The following CACNA1I variants were observed in gnomAD, a reference collection of about 807,000 sequenced individuals.
CACNA1I encodes the protein calcium voltage-gated channel subunit alpha1 I, also known as voltage-dependent T-type calcium channel subunit alpha-1I.
In CACNA1I, 74 loss-of-function variants were observed where a neutral mutation model predicts 201.6. The observed-to-expected ratio is 0.37, with a 90% confidence interval of 0.30 to 0.45. The LOEUF (loss-of-function observed/expected upper bound fraction) is 0.45. Ranked by LOEUF, CACNA1I falls within the 20% of genes least tolerant of loss-of-function variation. The probability of loss-of-function intolerance (pLI) is 1.00; values close to 1 mark genes in which losing one functional copy is unlikely to be tolerated. For missense variants in CACNA1I, 2,346 were observed against 3,138.1 expected (o/e 0.75, Z 6.03); for synonymous variants, 1,431 against 1,345.2 (o/e 1.06, Z -1.40).
At chr22:39,615,860 T>C (rs1933518567) in intron 3 of CACNA1I, among the ~76,000 whole-genome samples, 1 of 152,204 alleles carries the variant, frequency 6.6e-6, no homozygotes, top group Non-Finnish European at 1.5e-5. Context: ...ATGGATTCCC[T>C]GGAAGGATCT....
chr22:39,657,881 G>T (rs1209625112), intron 10 of CACNA1I, among the ~76,000 whole-genome samples: 1 of 152,220 alleles, frequency 6.6e-6, no homozygotes, highest in African/African-American at 2.4e-5. Flanking sequence ...CACTTCCCTG[G>T]TAGTGTGCTA....
intron 3 of CACNA1I, among the ~76,000 whole-genome samples, chr22:39,618,211 G>C (rs1933605825): frequency 6.7e-6 from 1 of 150,360 alleles, no homozygotes; most frequent in African/African-American, 2.5e-5. Flanking sequence ...GTGTGTGACT[G>C]TGATGGTGTG....
intron 4 of CACNA1I, among the ~76,000 whole-genome samples, chr22:39,632,873 G>A (rs901238837): frequency 6.6e-6 from 1 of 150,664 alleles, no homozygotes; most frequent in Admixed American, 6.6e-5. Context: ...GGGTGGTGGG[G>A]AGCTGAGCCT....
At chr22:39,667,104 C>T (rs1935222956) in intron 23 of CACNA1I, among the ~76,000 whole-genome samples, 1 of 152,230 alleles carries the variant, frequency 6.6e-6, no homozygotes, top group Non-Finnish European at 1.5e-5. Flanking sequence ...CTCAGTGGCC[C>T]TTACCAGCCG....
At position 39,659,999 on chromosome 22, in the gene CACNA1I, GAGCTCT is replaced by G; in HGVS notation, c.2604+148_2604+153del. The G allele has an allele frequency of 1.2e-6, 1 of 852,074 alleles. No individual in the cohort carries two copies. The highest frequency in any genetic ancestry group is 1.8e-6 in the Non-Finnish European group (1 of 543,666). 52.8% of individuals were successfully genotyped at this position (852,074 alleles called of 1,614,324 possible). Reference sequence around the variant, plus strand: ...AGGAGGGGGTTGCTGATGAGGTGGTGAGCTCTTCATCATAGGAAGCATGCAAATGGA... The same window carrying G: ...AGGAGGGGGTTGCTGATGAGGTGGTGTCATCATAGGAAGCATGCAAATGGA... On this transcript the variant is annotated intron_variant, in intron 14 of 36. Coordinates refer to ENST00000402142, the MANE Select transcript of CACNA1I (RefSeq NM_021096.4). This position sits in a 1 kb window ranked among gnomAD's most constrained non-coding sequence, Gnocchi z 4.3.
intron 1 of CACNA1I, among the ~76,000 whole-genome samples, chr22:39,582,877 C>T (rs1279485072): frequency 1.3e-5 from 2 of 150,980 alleles, no homozygotes; most frequent in South Asian, 2.1e-4. Flanking sequence ...TCCATCTATC[C>T]ATCCATCCAT....
At chr22:39,614,070 A>T (rs1056884562) in intron 3 of CACNA1I, among the ~76,000 whole-genome samples, 1 of 151,300 alleles carries the variant, frequency 6.6e-6, no homozygotes, top group African/African-American at 2.4e-5. Flanking sequence ...CTGGTCTTGA[A>T]CTCGTGACTT....
Position 39,629,139 on chromosome 22 carries a change from G to A in CACNA1I, c.581-5426G>A, listed in dbSNP as rs978300165. ...GGTGAGCAGCTCCATCCACTTGCCC[G>A]CTGCCATCTGCCACCACCAAGCCCC... is the stretch of plus-strand genomic sequence containing the variant. On this transcript the variant is annotated intron_variant, in intron 4 of 36. Coordinates refer to ENST00000402142, the MANE Select transcript of CACNA1I (RefSeq NM_021096.4). This position sits in a 1 kb window ranked among gnomAD's most constrained non-coding sequence, Gnocchi z 4.8. Among the ~76,000 whole-genome samples, 150 of 152,204 alleles carry A rather than the reference G, an allele frequency of 9.9e-4. No individual in the cohort carries two copies. Among genetic ancestry groups the A allele is most frequent in the African/African-American group, 3.3e-3 (137 of 41,520 alleles).
intron 4 of CACNA1I, among the ~76,000 whole-genome samples, chr22:39,620,225 ACCCATCCACCTG>A (rs1933700796): frequency 6.7e-6 from 1 of 149,540 alleles, no homozygotes; most frequent in Non-Finnish European, 1.5e-5. Flanking sequence ...CTACCTGTCC[ACCCATCCACCTG>A]TCCATCCATC....
chr22:39,602,548 A>C (rs1285874228), intron 3 of CACNA1I, among the ~76,000 whole-genome samples: 1 of 38,434 alleles, frequency 2.6e-5, no homozygotes, highest in Non-Finnish European at 5.4e-5. Flanking sequence ...GAACATCTTT[A>C]AGTAGTTTTT....
chr22:39,622,041 C>T (rs1263705830), intron 4 of CACNA1I, among the ~76,000 whole-genome samples: 1 of 152,118 alleles, frequency 6.6e-6, no homozygotes, highest in Non-Finnish European at 1.5e-5. Context: ...AACAGCAGTT[C>T]AGGAAGGACC....
chr22:39,624,438 C>T (rs903014155), intron 4 of CACNA1I, among the ~76,000 whole-genome samples: 2 of 152,204 alleles, frequency 1.3e-5, no homozygotes, highest in Admixed American at 1.3e-4. Flanking sequence ...CTCAGGGTCT[C>T]CTCCTGCTAG....
chr22:39,590,999 A>G (rs1967016175), intron 1 of CACNA1I, among the ~76,000 whole-genome samples: 1 of 148,544 alleles, frequency 6.7e-6, no homozygotes, highest in African/African-American at 2.5e-5. Context: ...GCGCACCACC[A>G]CAGCTGGCTA....
Position 39,649,663 on chromosome 22 carries a change from C to A in CACNA1I, c.1730C>A (p.Ser577Ter). The change falls in exon 10 of 37, where the codon TCG (serine) becomes TAG (stop). Residue 577 changes from serine (S) to a stop codon, truncating the protein, a stop_gained. Coordinates refer to ENST00000402142, the MANE Select transcript of CACNA1I (RefSeq NM_021096.4). LOFTEE classifies it high-confidence loss of function. The surrounding 1 kb of genome is among the most constrained non-coding windows in gnomAD (Gnocchi z 7.3). ...AGCACCGACTCGGGCCAGGAGGGCT[C>A]GGGCTCCGGGAGCTCCGCTGGTGGC... is the stretch of plus-strand genomic sequence containing the variant. Reference protein sequence around the residue: ...LGSTDSGQEGSGSGSSAGGED... With the variant: ...LGSTDSGQEG 6.6e-7 allele frequency: 1 copy of A among 1,514,420 alleles called. No individual in the cohort carries two copies. 93.8% of individuals were successfully genotyped at this position (1,514,420 alleles called of 1,614,324 possible).
intron 4 of CACNA1I, among the ~76,000 whole-genome samples, chr22:39,633,621 G>A (rs1376746331): frequency 6.6e-6 from 1 of 152,192 alleles, no homozygotes; most frequent in Non-Finnish European, 1.5e-5. Context: ...AGGGATAAAA[G>A]CATGGAGGTG....
At position 39,677,446 on chromosome 22, in the gene CACNA1I, G is replaced by C. The variant is rs528931995; in HGVS notation, c.4933+27G>C. 6 of 1,488,382 alleles carry C rather than the reference G, an allele frequency of 4.0e-6. No individual in the cohort carries two copies. The South Asian group carries it at 7.6e-5, about 19-fold the overall frequency. The allele number at this position is 1,488,382 out of a possible 1,614,324, so 92.2% of individuals were successfully genotyped here. On this transcript the variant is annotated intron_variant, in intron 30 of 36. Coordinates refer to ENST00000402142, the MANE Select transcript of CACNA1I (RefSeq NM_021096.4). The surrounding 1 kb of genome is among the most constrained non-coding windows in gnomAD (Gnocchi z 4.8). ...TGAGTGACTCCCAGAGCAGGCCCGT[G>C]GTGGGGGTGCAGCAGGGCTGCAGGA...
intron 4 of CACNA1I, among the ~76,000 whole-genome samples, chr22:39,623,141 A>G (rs995835433): frequency 4.6e-5 from 7 of 152,330 alleles, no homozygotes; most frequent in East Asian, 3.9e-4. Context: ...CGCTCTTGCC[A>G]GGCGGGCTTC....
chr22:39,668,252 C>A, intron 23 of CACNA1I, 40 bp from the exon 24 acceptor site: 1 of 1,285,884 alleles, frequency 7.8e-7, no homozygotes, highest in Non-Finnish European at 1.1e-6. Context: ...GAGTCACTCA[C>A]AGTCCTCACC....
rs1935891262 is a variant in CACNA1I, at chr22:39,686,626, G to GTATATA, written c.*221_*222insTATATA. On this transcript the variant is annotated 3_prime_UTR_variant, in exon 37 of 37. Transcript: ENST00000402142. ...TATACATACATATATATATATATATGCATATATATATATATATATATATAT... is the reference window on the plus strand; with the variant it reads ...TATACATACATATATATATATATATGTATATACATATATATATATATATATATATAT... 1 of 39,316 alleles carries GTATATA rather than the reference G, an allele frequency of 2.5e-5. No individual in the cohort carries two copies. Among genetic ancestry groups the GTATATA allele is most frequent in the Admixed American group, 3.4e-4 (1 of 2,970 alleles). The allele number at this position is 39,316 out of a possible 1,614,324, so 2.4% of individuals were successfully genotyped here. A position where few individuals can be genotyped will look rare whatever the true frequency, so the allele number is the denominator to read the frequency against.
Sources: allele counts gnomAD v4.1 joint callset (sites outside exome capture counted in the v4.1 genomes callset), GRCh38; gene constraint gnomAD v4.1.1; non-coding constraint Gnocchi (gnomAD v3.1); transcripts MANE v1.5; gene names NCBI Gene and HGNC (gene_info 2026-07-23, HGNC 2026-07-21).